The following DSG4 variants were observed in gnomAD, a reference collection of about 807,000 sequenced individuals.
DSG4 encodes desmoglein 4, also known as desmoglein-4.
In DSG4, 87 loss-of-function variants were observed where a neutral mutation model predicts 93.1. The observed-to-expected ratio is 0.93, with a 90% CI of 0.79 to 1.12. DSG4 has a LOEUF of 1.12. Ranked by LOEUF, DSG4 falls within the 50% of genes most tolerant of loss-of-function variation. DSG4 has a pLI of 0.00. For missense variants in DSG4, 1,373 were observed against 1,285.7 expected (o/e 1.07, Z -1.04); for synonymous variants, 432 against 452.9 (o/e 0.95, Z 0.59).
At position 31,388,954 on chromosome 18, in the gene DSG4, T is replaced by A; in HGVS notation, c.453T>A (p.Asn151Lys). 1.2e-6 allele frequency: 2 copies of A among 1,613,618 alleles called. No homozygotes were observed. Among genetic ancestry groups the A allele is most frequent in the Non-Finnish European group, 1.7e-6 (2 of 1,179,664 alleles). ...LELRVKVMDI[N>K]DNAPVFSQSV... ...TTAGAGTCAAAGTTATGGACATAAA[T>A]GATAACGCTCCAGTCTTTTCGCAAA... Residue 151 changes from asparagine (N) to lysine (K), a missense_variant, in exon 5 of 16, where the codon AAT becomes AAA. Coordinates refer to ENST00000308128, the MANE Select transcript of DSG4 (RefSeq NM_177986.5).
intron 8 of DSG4, among the ~76,000 whole-genome samples, chr18:31,394,688 A>G: frequency 6.6e-6 from 1 of 152,154 alleles, no homozygotes; most frequent in Non-Finnish European, 1.5e-5. Flanking sequence ...TGGAAAAAAA[A>G]AAAAAAAGGA....
Position 31,414,678 on chromosome 18 carries a change from T to G in DSG4, c.*1083T>G, listed in dbSNP as rs1355781719. 3 of 152,182 alleles carry G rather than the reference T, an allele frequency of 2.0e-5. No individual in the cohort carries two copies. The highest frequency in any genetic ancestry group is 1.5e-5 in the Non-Finnish European group (1 of 68,020). The allele number at this position is 152,182 out of a possible 1,614,324, so 9.4% of individuals were successfully genotyped here. ...AACAATAATTAACCAACTACTTAAG[T>G]CCATTACCAAGTTGTGTTTCTCTTT... On this transcript the variant is annotated 3_prime_UTR_variant, in exon 16 of 16. Transcript: ENST00000308128.
chr18:31,411,503 G>A, intron 15 of DSG4, 55 bp downstream of exon 15: 1 of 1,576,838 alleles, frequency 6.3e-7, no homozygotes, highest in Non-Finnish European at 8.7e-7. Flanking sequence ...AATAATAATA[G>A]TAAAATACTC....
chr18:31,399,873 T>G (rs574967200), intron 9 of DSG4, among the ~76,000 whole-genome samples: 1 of 152,270 alleles, frequency 6.6e-6, no homozygotes, highest in Admixed American at 6.5e-5. Flanking sequence ...AGCCATATTG[T>G]GGGCAATAAG....
chr18:31,412,811 T>C lies in DSG4; in HGVS notation c.2356-17T>C. The stretch of plus-strand genomic sequence containing the variant: ...GGAAAAAGAAATTTCTAATTCTGTA[T>C]TTCCTTTTAATTTTAGAAAGCGTAT... On this transcript the variant is annotated splice_polypyrimidine_tract_variant and intron_variant, in intron 15 of 15. Coordinates refer to ENST00000308128, the MANE Select transcript of DSG4 (RefSeq NM_177986.5). 6.2e-7 allele frequency: 1 copy of C among 1,613,948 alleles called. No homozygotes were observed. The highest frequency in any genetic ancestry group is 8.5e-7 in the Non-Finnish European group (1 of 1,179,946).
In DSG4 at chr18:31,391,120, G is replaced by T. The variant is rs755733906; in HGVS notation, c.727G>T (p.Asp243Tyr). The T allele has an allele frequency of 1.9e-6, 3 of 1,613,686 alleles. No homozygotes were observed. The highest frequency in any genetic ancestry group is 1.1e-5 in the South Asian group (1 of 91,076). Residue 243 changes from aspartate to tyrosine, a missense_variant, in exon 7 of 16, where the codon GAT becomes TAT. Transcript: ENST00000308128. ...CCTGGTTGTGAGAGGCTCAGATCGG[G>T]ATGGAGCTGCAGATGGACTGTCTTC... ...YNLVVRGSDRDGAADGLSSEC... is the reference protein window; with the variant it reads ...YNLVVRGSDRYGAADGLSSEC...
chr18:31,385,857 T>C (rs1800564396), intron 2 of DSG4, among the ~76,000 whole-genome samples: 1 of 152,156 alleles, frequency 6.6e-6, no homozygotes, highest in Admixed American at 6.6e-5. Flanking sequence ...TAAATGAAGC[T>C]TAGCCTAAGT....
intron 1 of DSG4, chr18:31,382,351 T>C (rs373839403): frequency 6.6e-6 from 1 of 152,350 alleles, no homozygotes; most frequent in East Asian, 1.9e-4. Flanking sequence ...TCTCAACTGA[T>C]TGCTCACAGC....
rs559120448 is a variant in DSG4 at position 31,411,407 on chromosome 18, G to T, written c.2314G>T (p.Ala772Ser). ...GGGAACCCTGCGGGACTACGCTGAC[G>T]CAGACATCAACATGGCTTTCTTGGA... ...TMGTLRDYAD[A>S]DINMAFLDSY... is the part of the protein sequence containing the mutation. Residue 772 changes from alanine (A) to serine (S), a missense_variant, in exon 15 of 16, where the codon GCA becomes TCA. Physicochemically the swap from Ala to Ser is moderately conservative, Grantham distance 99 (BLOSUM62 1). Coordinates refer to ENST00000308128, the MANE Select transcript of DSG4 (RefSeq NM_177986.5). 168 of 1,611,208 alleles carry T rather than the reference G, an allele frequency of 1.0e-4. 4 individuals carry two copies. In the South Asian group the frequency reaches 1.8e-3, roughly 17 times the overall value.
At chr18:31,404,838 C>T (rs1171532849) in intron 11 of DSG4, among the ~76,000 whole-genome samples, 6 of 152,036 alleles carry the variant, frequency 3.9e-5, no homozygotes, top group Non-Finnish European at 8.8e-5. Context: ...TTGCTAACCA[C>T]TTTTTTCCTC....
At position 31,406,388 on chromosome 18, in the gene DSG4, A is replaced by G. The variant is rs1598750769; in HGVS notation, c.1933+15A>G. On this transcript the variant is annotated intron_variant, in intron 12 of 15. Coordinates refer to ENST00000308128, the MANE Select transcript of DSG4 (RefSeq NM_177986.5). Reference sequence around the variant, plus strand: ...GCTACTGATTTGTAAGTACTCAATTAAATCCTTCTTTTCAATAGTTCTTCA... The same window carrying G: ...GCTACTGATTTGTAAGTACTCAATTGAATCCTTCTTTTCAATAGTTCTTCA... The G allele has an allele frequency of 1.2e-6, 2 of 1,614,002 alleles. No homozygotes were observed. Among genetic ancestry groups the G allele is most frequent in the South Asian group, 2.2e-5 (2 of 91,080 alleles).
chr18:31,413,361 C>T lies in DSG4; in HGVS notation c.2889C>T (p.Ile963=). Residue 963 remains isoleucine (I), a synonymous_variant, in exon 16 of 16, where the codon ATC becomes ATT. Coordinates refer to ENST00000308128, the MANE Select transcript of DSG4 (RefSeq NM_177986.5). ...PAELADYNNV[I]YAERVLASPG... The stretch of plus-strand genomic sequence containing the variant: ...AGTTAGCAGATTACAACAATGTAAT[C>T]TATGCTGAGAGAGTACTGGCTAGTC... The T allele has an allele frequency of 6.2e-7, 1 of 1,614,146 alleles. No homozygotes were observed. The highest frequency in any genetic ancestry group is 1.6e-4 in the Middle Eastern group (1 of 6,062).
Position 31,402,353 on chromosome 18 carries a change from A to C in DSG4, c.1418-1063A>C, listed in dbSNP as rs188491124. Among the ~76,000 whole-genome samples the C allele has an allele frequency of 3.9e-5, 6 of 152,322 alleles. No homozygotes were observed. The East Asian group carries it at 1.2e-3, about 29-fold the overall frequency. ...AGCTTGAGCTTTGGTTGCCAATCAC[A>C]AGGTAATAGAAGAGCTACCAAAGAT... On this transcript the variant is annotated intron_variant, in intron 10 of 15. Coordinates refer to ENST00000308128, the MANE Select transcript of DSG4 (RefSeq NM_177986.5).
At position 31,413,118 on chromosome 18, in the gene DSG4, A is replaced by C; in HGVS notation, c.2646A>C (p.Gly882=). ...GPNYFVNESS[G]LTPSEVEFQE... is the part of the protein sequence containing the mutation. Reference sequence around the variant, plus strand: ...ATTACTTTGTTAATGAATCTTCAGGATTGACTCCCTCAGAAGTTGAATTCC... The same window carrying C: ...ATTACTTTGTTAATGAATCTTCAGGCTTGACTCCCTCAGAAGTTGAATTCC... Residue 882 remains glycine, a synonymous_variant, in exon 16 of 16, where the codon GGA becomes GGC. Transcript: ENST00000308128. 1 of 1,614,150 alleles carries C rather than the reference A, an allele frequency of 6.2e-7. No individual in the cohort carries two copies. Among genetic ancestry groups the C allele is most frequent in the Non-Finnish European group, 8.5e-7 (1 of 1,180,028 alleles).
Position 31,412,758 on chromosome 18 carries a change from G to A in DSG4, c.2356-70G>A, listed in dbSNP as rs1053820008. The A allele has an allele frequency of 7.2e-6, 11 of 1,523,122 alleles. No homozygotes were observed. In the Admixed American group the frequency reaches 1.0e-4, roughly 14 times the overall value. 94.4% of individuals were successfully genotyped at this position (1,523,122 alleles called of 1,614,324 possible). ...AACTTAACTCAGAAGTCTCTCTGAG[G>A]GATTGCTGTTATTCTTCCTTATTTT... On this transcript the variant is annotated intron_variant, in intron 15 of 15. Transcript: ENST00000308128.
chr18:31,399,075 A>G (rs1026457090), intron 8 of DSG4, among the ~76,000 whole-genome samples, 197 bp from the exon 9 acceptor site: 1 of 152,194 alleles, frequency 6.6e-6, no homozygotes, highest in Non-Finnish European at 1.5e-5. Context: ...TACATAGCTG[A>G]TTATGCTAAA....
At chr18:31,404,466 T>G (rs745839424) in intron 11 of DSG4, among the ~76,000 whole-genome samples, 5 of 152,208 alleles carry the variant, frequency 3.3e-5, no homozygotes, top group African/African-American at 4.8e-5. Context: ...GGATCTCATA[T>G]GGGCTAAGAT....
At chr18:31,390,184 G>C (rs7233718) in intron 5 of DSG4, among the ~76,000 whole-genome samples, 103,911 of 152,018 alleles carry the variant, frequency 0.68, 36,897 homozygotes, top group East Asian at 0.9. Flanking sequence ...ATGCAACCAA[G>C]AGTAATTATC....
chr18:31,391,269 A>C, intron 7 of DSG4, 57 bp downstream of exon 7: 1 of 1,607,394 alleles, frequency 6.2e-7, no homozygotes, highest in South Asian at 1.1e-5. Context: ...AATTTGCATA[A>C]GTGTCAATAA....
Sources: gnomAD v4.1 joint callset for allele counts (sites outside exome capture counted in the v4.1 genomes callset) on GRCh38, gnomAD v4.1.1 for gene constraint, MANE v1.5 for transcripts, NCBI Gene and HGNC (gene_info 2026-07-23, HGNC 2026-07-21) for gene names.